The following GUCY1A2 variants were observed in gnomAD, a reference collection of about 807,000 sequenced individuals.
The protein encoded by GUCY1A2 is guanylate cyclase 1 soluble subunit alpha 2.
In GUCY1A2, 27 loss-of-function variants were observed where a neutral mutation model predicts 63.5. The ratio of observed to expected loss-of-function variants is 0.43; its 90% CI spans 0.31 to 0.59. The LOEUF (loss-of-function observed/expected upper bound fraction) is 0.59. Ranked by LOEUF, GUCY1A2 falls within the 20% of genes least tolerant of loss-of-function variation. GUCY1A2 has a pLI of 0.11. For missense variants in GUCY1A2, 768 were observed against 913.3 expected, an observed-to-expected ratio of 0.84 and a Z score of 2.05; for synonymous variants, 364 against 343.5, an observed-to-expected ratio of 1.06 and a Z score of -0.66.
chr11:106,779,058 C>G (rs1012868727), intron 5 of GUCY1A2, among the ~76,000 whole-genome samples: 1 of 152,078 alleles, frequency 6.6e-6, no homozygotes, highest in Non-Finnish European at 1.5e-5. Flanking sequence ...TATATGAGCA[C>G]TAATTTAGGG....
At chr11:106,720,438 GC>G (rs1863296588) in intron 6 of GUCY1A2, among the ~76,000 whole-genome samples, 1 of 152,116 alleles carries the variant, frequency 6.6e-6, no homozygotes, top group African/African-American at 2.4e-5. Context: ...GGTGTCATAG[GC>G]TTTGGAATCT....
chr11:106,923,892 GTT>G lies in GUCY1A2; in HGVS notation c.1206+15566_1206+15567del, dbSNP rs542086623. Among the ~76,000 whole-genome samples the G allele has an allele frequency of 2.5e-3, 386 of 152,102 alleles. 1 individual carries two copies. The highest frequency in any genetic ancestry group is 8.9e-3 in the African/African-American group (371 of 41,502). Reference sequence around the variant, plus strand: ...ATTTTCGTGGGGTAAAAACTGACAGGTTTTCCCAAGACCATTTGTAAAATAAA... The same window carrying G: ...ATTTTCGTGGGGTAAAAACTGACAGGTTCCCAAGACCATTTGTAAAATAAA... On this transcript the variant is annotated intron_variant, in intron 4 of 7. Coordinates refer to ENST00000526355, the MANE Select transcript of GUCY1A2 (RefSeq NM_000855.3).
chr11:106,944,116 G>A (rs1392856689), intron 3 of GUCY1A2, among the ~76,000 whole-genome samples: 1 of 149,948 alleles, frequency 6.7e-6, no homozygotes, highest in Non-Finnish European at 1.5e-5. Flanking sequence ...TCGGGAGGCT[G>A]AGGTGGGAGA....
At chr11:106,994,749 C>A (rs1232533937) in intron 1 of GUCY1A2, among the ~76,000 whole-genome samples, 2 of 152,190 alleles carry the variant, frequency 1.3e-5, no homozygotes, top group African/African-American at 4.8e-5. Flanking sequence ...AAGCTGCATC[C>A]TCCATTGGTA....
rs960975389 is a variant in GUCY1A2, at chr11:106,917,370, G to T, written c.1206+22090C>A. On this transcript the variant is annotated intron_variant, in intron 4 of 7. Transcript: ENST00000526355. ...TTATGGTACAGAGTGACAAGACAAG[G>T]GGTTGGAGGTAAACAGCAGCCAGAT... Among the ~76,000 whole-genome samples, 19 of 145,476 alleles carry T rather than the reference G, an allele frequency of 1.3e-4. 1 individual carries two copies. The highest frequency in any genetic ancestry group is 4.6e-4 in the African/African-American group (19 of 40,920).
At chr11:106,991,669 C>T (rs953614719) in intron 1 of GUCY1A2, among the ~76,000 whole-genome samples, 4 of 152,146 alleles carry the variant, frequency 2.6e-5, no homozygotes, top group Admixed American at 6.5e-5. Context: ...TACTCATAAC[C>T]GCTTAATTCA....
intron 4 of GUCY1A2, among the ~76,000 whole-genome samples, chr11:106,871,095 A>G (rs938556599): frequency 2.0e-5 from 3 of 152,142 alleles, no homozygotes; most frequent in Non-Finnish European, 4.4e-5. Flanking sequence ...ATGAGTACAC[A>G]GTGGAGTAAG....
At chr11:106,801,693 T>C (rs1422760112) in intron 5 of GUCY1A2, among the ~76,000 whole-genome samples, 1 of 152,130 alleles carries the variant, frequency 6.6e-6, no homozygotes, top group South Asian at 2.1e-4. Flanking sequence ...TTAATAATAA[T>C]TTAATTGTAC....
chr11:106,711,280 T>G (rs1467742021), intron 6 of GUCY1A2, among the ~76,000 whole-genome samples: 1 of 152,186 alleles, frequency 6.6e-6, no homozygotes, highest in Non-Finnish European at 1.5e-5. Flanking sequence ...TCTTTTTTAT[T>G]AGAATGCTCT....
chr11:106,827,327 C>T, intron 4 of GUCY1A2: 4 of 1,554,886 alleles, frequency 2.6e-6, no homozygotes, highest in Non-Finnish European at 3.6e-6. Flanking sequence ...AAGAATTCAG[C>T]TGCTCCTGCA....
At chr11:106,835,677 A>C (rs1432216189) in intron 4 of GUCY1A2, among the ~76,000 whole-genome samples, 1 of 151,934 alleles carries the variant, frequency 6.6e-6, no homozygotes, top group Non-Finnish European at 1.5e-5. Flanking sequence ...CAGAGAGAGA[A>C]GACTGACACT....
chr11:106,947,314 T>C (rs752164993), intron 3 of GUCY1A2, among the ~76,000 whole-genome samples: 3 of 151,142 alleles, frequency 2.0e-5, no homozygotes, highest in Non-Finnish European at 4.4e-5. Flanking sequence ...ATGTAACGAA[T>C]AGATCAGCAA....
intron 4 of GUCY1A2, among the ~76,000 whole-genome samples, chr11:106,892,097 G>A (rs1859982381): frequency 6.6e-6 from 1 of 151,992 alleles, no homozygotes; most frequent in African/African-American, 2.4e-5. Context: ...TAGAGGACTT[G>A]AACATCTATT....
At chr11:106,985,536 G>A (rs1294857407) in intron 2 of GUCY1A2, among the ~76,000 whole-genome samples, 2 of 152,204 alleles carry the variant, frequency 1.3e-5, no homozygotes, top group African/African-American at 4.8e-5. Flanking sequence ...CTATTTGCTA[G>A]TGAGGCCTTG....
intron 4 of GUCY1A2, among the ~76,000 whole-genome samples, chr11:106,810,772 G>A (rs1350188849): frequency 6.6e-6 from 1 of 151,970 alleles, no homozygotes; most frequent in Non-Finnish European, 1.5e-5. Context: ...GATACTCCAA[G>A]GTACATCATG....
chr11:106,848,649 C>CTGTT (rs1488261626), intron 4 of GUCY1A2, among the ~76,000 whole-genome samples: 2 of 151,536 alleles, frequency 1.3e-5, no homozygotes, highest in Non-Finnish European at 3.0e-5. Flanking sequence ...AGTACCAAAA[C>CTGTT]TGTTTATTCA....
chr11:106,740,664 A>ATGTATGTATGTATGTATGTT (rs1863678733), intron 6 of GUCY1A2, among the ~76,000 whole-genome samples: 1 of 92,804 alleles, frequency 1.1e-5, no homozygotes, highest in South Asian at 3.1e-4. Flanking sequence ...GTATGTATGT[A>ATGTATGTATGTATGTATGTT]TGTATGTATG....
intron 4 of GUCY1A2, among the ~76,000 whole-genome samples, chr11:106,922,549 C>CAT (rs754520251): frequency 3.2e-3 from 470 of 145,604 alleles, no homozygotes; most frequent in Middle Eastern, 0.025. Context: ...CACACACGAA[C>CAT]ATATATATAT....
In GUCY1A2 at chr11:106,978,683, G is replaced by A; in HGVS notation, c.423C>T (p.Asp141=). 1 of 1,577,864 alleles carries A rather than the reference G, an allele frequency of 6.3e-7. No individual in the cohort carries two copies. Among genetic ancestry groups the A allele is most frequent in the Non-Finnish European group, 8.7e-7 (1 of 1,147,222 alleles). The change falls in exon 3 of 8, where the codon GAC becomes GAT. Residue 141 remains aspartate, a synonymous_variant. Coordinates refer to ENST00000526355, the MANE Select transcript of GUCY1A2 (RefSeq NM_000855.3). ...CTTCAATTTCTTCTTTGTTGGAGTG[G>A]TCTGCATAGGAGCATCTGTTAGAGA... ...HNISNRCSYA[D]HSNKEEIEDV...
Sources: gnomAD v4.1 joint callset for allele counts (sites outside exome capture counted in the v4.1 genomes callset) on GRCh38, gnomAD v4.1.1 for gene constraint, MANE v1.5 for transcripts, NCBI Gene and HGNC (gene_info 2026-07-23, HGNC 2026-07-21) for gene names.